Variants in FGD3 observed in about 807,000 individuals in gnomAD.
The protein encoded by FGD3 is FYVE, RhoGEF and PH domain-containing protein 3.
In FGD3, 45 loss-of-function variants were observed where a neutral mutation model predicts 71.8. That is an observed-to-expected ratio of 0.63 (90% CI 0.49 to 0.80). FGD3 has a LOEUF of 0.80. Ranked by LOEUF, FGD3 falls within the 30% of genes least tolerant of loss-of-function variation. The pLI, the probability that FGD3 is intolerant of heterozygous loss-of-function variation, is 0.00. For missense variants in FGD3, 844 were observed against 951.5 expected (o/e 0.89, Z 1.49); for synonymous variants, 378 against 392.8 (o/e 0.96, Z 0.44).
At chr9:93,014,273 C>T (rs1225699759) in intron 9 of FGD3, among the ~76,000 whole-genome samples, 1 of 152,062 alleles carries the variant, frequency 6.6e-6, no homozygotes, top group Non-Finnish European at 1.5e-5. Flanking sequence ...ATACCTCTTT[C>T]GTCCCCAGAA....
intron 1 of FGD3, among the ~76,000 whole-genome samples, chr9:92,953,302 A>G (rs984769378): frequency 1.3e-5 from 2 of 152,336 alleles, no homozygotes; most frequent in Admixed American, 1.3e-4. Flanking sequence ...AAGGATAAGA[A>G]ACAATCGCTT....
At chr9:93,028,995 G>GTTTTGTTTT (rs1862244944) in intron 14 of FGD3, among the ~76,000 whole-genome samples, 1 of 51,718 alleles carries the variant, frequency 1.9e-5, no homozygotes, top group Non-Finnish European at 3.7e-5. Context: ...TGTCCTCACA[G>GTTTTGTTTT]TTTTTTTTTT....
intron 1 of FGD3, among the ~76,000 whole-genome samples, chr9:92,951,691 TAATG>T (rs1460343341): frequency 6.6e-6 from 1 of 152,116 alleles, no homozygotes; most frequent in Non-Finnish European, 1.5e-5. Context: ...ATTAATTAAT[TAATG>T]AAAGTTGTGT....
chr9:93,007,799 C>T (rs1393876090), intron 6 of FGD3, among the ~76,000 whole-genome samples: 6 of 152,206 alleles, frequency 3.9e-5, no homozygotes, highest in African/African-American at 1.4e-4. Context: ...ACTTTGCCCC[C>T]CGGGGATCCC....
chr9:92,976,970 G>A (rs575741577), intron 3 of FGD3, among the ~76,000 whole-genome samples: 5 of 152,330 alleles, frequency 3.3e-5, no homozygotes, highest in Middle Eastern at 3.4e-3. Flanking sequence ...CTGCACAGTG[G>A]GCACCTCCCG....
intron 5 of FGD3, 106 bp from the exon 6 acceptor site, chr9:93,005,918 C>T: frequency 7.8e-7 from 1 of 1,289,378 alleles, no homozygotes; most frequent in Non-Finnish European, 1.0e-6. Flanking sequence ...CACCATCACA[C>T]AGAGCTGGCC....
chr9:92,964,335 G>T (rs1859236934), intron 1 of FGD3: 1 of 152,196 alleles, frequency 6.6e-6, no homozygotes, highest in Non-Finnish European at 1.5e-5. Flanking sequence ...GGAGAAACTC[G>T]CTCGCCTTCA....
chr9:92,979,806 C>T (rs1214167369), intron 3 of FGD3, among the ~76,000 whole-genome samples: 1 of 152,126 alleles, frequency 6.6e-6, no homozygotes, highest in Non-Finnish European at 1.5e-5. Context: ...TTCAAATTTT[C>T]TATTTCTTCA....
At chr9:93,026,418 G>A (rs1862116394) in intron 14 of FGD3, among the ~76,000 whole-genome samples, 1 of 152,200 alleles carries the variant, frequency 6.6e-6, no homozygotes, top group South Asian at 2.1e-4. Context: ...CGCTACTCAG[G>A]TGGGCCTCTT....
chr9:93,001,208 C>A (rs1301638322), intron 3 of FGD3, among the ~76,000 whole-genome samples: 1 of 151,932 alleles, frequency 6.6e-6, no homozygotes, highest in Non-Finnish European at 1.5e-5. Context: ...TTTTTAAAGT[C>A]ATCTATCTGT....
chr9:93,011,280 T>C lies in FGD3; in HGVS notation c.1035+8T>C, dbSNP rs767296866. ...GCTGCCATTCGGAAAGTGGTGAGTG[T>C]GGGGCTCCAGTGGCGACCGGCAGGG... On this transcript the variant is annotated splice_region_variant and intron_variant, in intron 8 of 17. Transcript: ENST00000375482. The C allele has an allele frequency of 1.2e-6, 2 of 1,614,124 alleles. No homozygotes were observed. The highest frequency in any genetic ancestry group is 2.2e-5 in the South Asian group (2 of 91,088).
At chr9:93,031,997 A>G (rs763333574) in intron 15 of FGD3, among the ~76,000 whole-genome samples, 11 of 152,132 alleles carry the variant, frequency 7.2e-5, no homozygotes, top group Non-Finnish European at 1.5e-4. Flanking sequence ...AGCTCTGGAA[A>G]AGTCACTGAG....
chr9:92,957,710 G>A (rs969717359), intron 1 of FGD3, among the ~76,000 whole-genome samples: 5 of 129,548 alleles, frequency 3.9e-5, no homozygotes, highest in African/African-American at 1.5e-4. Flanking sequence ...ACAGAGTCTC[G>A]CTCTGTTGCC....
At chr9:93,019,706 C>T in intron 11 of FGD3, 125 bp from the exon 12 acceptor site, 3 of 943,068 alleles carry the variant, frequency 3.2e-6, no homozygotes, top group South Asian at 1.4e-5. Context: ...GGCCAATCTT[C>T]CAATCCTTGA....
At chr9:92,985,572 G>A (rs949055732) in intron 3 of FGD3, among the ~76,000 whole-genome samples, 1 of 152,120 alleles carries the variant, frequency 6.6e-6, no homozygotes, top group Non-Finnish European at 1.5e-5. Context: ...TCTGCCTCCC[G>A]AGTTCAAGTG....
At chr9:92,995,789 G>A (rs549263715) in intron 3 of FGD3, among the ~76,000 whole-genome samples, 151 of 152,080 alleles carry the variant, frequency 9.9e-4, no homozygotes, top group Non-Finnish European at 1.7e-3. Flanking sequence ...ATTGATTTGT[G>A]TATGTTGAAC....
chr9:93,034,443 C>G, intron 16 of FGD3, 98 bp from the exon 17 acceptor site: 1 of 1,441,284 alleles, frequency 6.9e-7, no homozygotes, highest in Admixed American at 2.4e-5. Context: ...ACAGCCAGCT[C>G]CCCCCAAGCA....
At chr9:92,956,595 C>A (rs1429218644) in intron 1 of FGD3, among the ~76,000 whole-genome samples, 1 of 152,162 alleles carries the variant, frequency 6.6e-6, no homozygotes, top group Non-Finnish European at 1.5e-5. Context: ...GAAACCAACC[C>A]TGCCAACACC....
In FGD3 at chr9:93,003,436, T is replaced by C. The variant is rs113069932; in HGVS notation, c.543+422T>C. 0.011 allele frequency among the ~76,000 whole-genome samples: 1,722 copies of C among 152,270 alleles called. 16 individuals are homozygous for C. The highest frequency in any genetic ancestry group is 0.018 in the Non-Finnish European group (1,236 of 68,024). Reference sequence around the variant, plus strand: ...GAGCCACCACGCCCGTCCTAGAAACTTATTTTTTGTTTTCAGTGCTTGTAG... The same window carrying C: ...GAGCCACCACGCCCGTCCTAGAAACCTATTTTTTGTTTTCAGTGCTTGTAG... On this transcript the variant is annotated intron_variant, in intron 4 of 17. Transcript: ENST00000375482. This position sits in a 1 kb window ranked among gnomAD's most constrained non-coding sequence, Gnocchi z 4.1.
Sources: allele counts gnomAD v4.1 joint callset (sites outside exome capture counted in the v4.1 genomes callset), GRCh38; gene constraint gnomAD v4.1.1; non-coding constraint Gnocchi (gnomAD v3.1); transcripts MANE v1.5; gene names NCBI Gene and HGNC (gene_info 2026-07-23, HGNC 2026-07-21).